The following ADAMTS12 variants were observed in gnomAD, a reference collection of about 807,000 sequenced individuals.
ADAMTS12 encodes A disintegrin and metalloproteinase with thrombospondin motifs 12.
ADAMTS12 carries 118 observed loss-of-function variants against 167.8 expected under a neutral mutation model. The ratio of observed to expected loss-of-function variants is 0.70; its 90% CI spans 0.61 to 0.82. The LOEUF (loss-of-function observed/expected upper bound fraction) is 0.82. Ranked by LOEUF, ADAMTS12 falls within the 40% of genes least tolerant of loss-of-function variation. ADAMTS12 has a pLI of 0.00. For missense variants in ADAMTS12, 1,916 were observed against 1,998.8 expected (o/e 0.96, Z 0.79); for synonymous variants, 704 against 716.9 (o/e 0.98, Z 0.29).
intron 2 of ADAMTS12, among the ~76,000 whole-genome samples, chr5:33,815,584 T>C (rs1381108897): frequency 6.6e-6 from 1 of 152,140 alleles, no homozygotes; most frequent in African/African-American, 2.4e-5. Flanking sequence ...TGTTCTATTA[T>C]AGAAGCCTCA....
chr5:33,670,981 A>G (rs1362596009), intron 5 of ADAMTS12, among the ~76,000 whole-genome samples: 2 of 152,154 alleles, frequency 1.3e-5, no homozygotes, highest in Non-Finnish European at 2.9e-5. Context: ...ACTCAGCAAA[A>G]AGGGGAAAAA....
intron 19 of ADAMTS12, among the ~76,000 whole-genome samples, chr5:33,574,127 G>A (rs1191660055): frequency 8.6e-5 from 13 of 151,250 alleles, no homozygotes; most frequent in South Asian, 4.2e-4. Flanking sequence ...GGAGAAATAG[G>A]AACACTTTTA....
At chr5:33,710,878 T>C (rs1444394726) in intron 3 of ADAMTS12, among the ~76,000 whole-genome samples, 3 of 152,104 alleles carry the variant, frequency 2.0e-5, no homozygotes, top group Non-Finnish European at 4.4e-5. Flanking sequence ...AAAATCTTAA[T>C]GAGTACTAAA....
intron 2 of ADAMTS12, among the ~76,000 whole-genome samples, chr5:33,838,668 C>T (rs1900178): frequency 0.058 from 8,840 of 151,648 alleles, 600 homozygotes; most frequent in East Asian, 0.2. Flanking sequence ...GGTGACAAAG[C>T]GAGACTCTGT....
At chr5:33,558,214 A>T (rs1362507817) in intron 20 of ADAMTS12, among the ~76,000 whole-genome samples, 1 of 152,166 alleles carries the variant, frequency 6.6e-6, no homozygotes, top group Non-Finnish European at 1.5e-5. Context: ...AGTGACAAAA[A>T]GGTTAGGGAC....
Position 33,649,602 on chromosome 5 carries a change from G to A in ADAMTS12, c.1286C>T (p.Pro429Leu), listed in dbSNP as rs1740801040. 5.6e-6 allele frequency: 9 copies of A among 1,613,942 alleles called. No homozygotes were observed. Among genetic ancestry groups the A allele is most frequent in the African/African-American group, 1.3e-5 (1 of 74,942 alleles). Residue 429 changes from proline (P) to leucine (L), a missense_variant, in exon 8 of 24, where the codon CCG becomes CTG. By Grantham distance (98) the Pro-to-Leu change is moderately conservative (BLOSUM62 -3). Transcript: ENST00000504830. ...CTCGCTGCACTTGGACCATGTCAGC[G>A]GAGTGGGATCGTACTGGAGCTGGCG... is the stretch of plus-strand genomic sequence containing the variant. ...MSRQLQYDPT[P>L]LTWSKCSEEY...
At chr5:33,558,543 GC>G (rs1267566280) in intron 20 of ADAMTS12, among the ~76,000 whole-genome samples, 1 of 152,118 alleles carries the variant, frequency 6.6e-6, no homozygotes, top group African/African-American at 2.4e-5. Flanking sequence ...GACCCTATAG[GC>G]CAGGCAAGGA....
rs1741280999 is a variant in ADAMTS12, at chr5:33,662,098, T to C, written c.916-58A>G. 1.6e-5 allele frequency: 25 copies of C among 1,585,852 alleles called. 2 individuals are homozygous for C. In the South Asian group the frequency reaches 2.5e-4, roughly 16 times the overall value. On this transcript the variant is annotated intron_variant, in intron 5 of 23. Coordinates refer to ENST00000504830, the MANE Select transcript of ADAMTS12 (RefSeq NM_030955.4). ...AGAGCTCACTGTGGTCAGGGACCATTGCATTAGGCATTCATCTCCAGAGGT... is the reference window on the plus strand; with the variant it reads ...AGAGCTCACTGTGGTCAGGGACCATCGCATTAGGCATTCATCTCCAGAGGT...
chr5:33,601,938 A>T (rs1289298376), intron 16 of ADAMTS12, among the ~76,000 whole-genome samples: 1 of 152,198 alleles, frequency 6.6e-6, no homozygotes, highest in Non-Finnish European at 1.5e-5. Flanking sequence ...TATGAAGGAG[A>T]TATTTTCAAA....
chr5:33,765,202 C>T (rs1745489316), intron 2 of ADAMTS12, among the ~76,000 whole-genome samples: 1 of 152,164 alleles, frequency 6.6e-6, no homozygotes, highest in African/African-American at 2.4e-5. Context: ...TATATATGCT[C>T]AACCATTTGA....
intron 16 of ADAMTS12, among the ~76,000 whole-genome samples, chr5:33,604,471 A>G (rs1373495933): frequency 6.6e-6 from 1 of 151,538 alleles, no homozygotes; most frequent in Admixed American, 6.6e-5. Flanking sequence ...ACTGCACTCT[A>G]GCTTGGGCAA....
At chr5:33,747,642 G>A (rs1029899198) in intron 3 of ADAMTS12, among the ~76,000 whole-genome samples, 15 of 152,106 alleles carry the variant, frequency 9.9e-5, no homozygotes, top group African/African-American at 3.6e-4. Flanking sequence ...CCTGAAAGCA[G>A]TTCAGATCTA....
At chr5:33,733,276 G>GT (rs1744257009) in intron 3 of ADAMTS12, among the ~76,000 whole-genome samples, 1 of 152,106 alleles carries the variant, frequency 6.6e-6, no homozygotes, top group Non-Finnish European at 1.5e-5. Context: ...GATTAAAACT[G>GT]TTAAATGAAA....
intron 2 of ADAMTS12, among the ~76,000 whole-genome samples, chr5:33,774,809 T>C (rs2112431243): frequency 6.6e-6 from 1 of 152,328 alleles, no homozygotes; most frequent in Non-Finnish European, 1.5e-5. Context: ...TTTGCCCAGC[T>C]TTATTCTCCC....
intron 5 of ADAMTS12, among the ~76,000 whole-genome samples, chr5:33,678,441 T>G (rs906109721): frequency 3.3e-5 from 5 of 152,222 alleles, no homozygotes; most frequent in Non-Finnish European, 7.3e-5. Context: ...AGATTACAAC[T>G]GTGAAACATG....
At chr5:33,552,440 T>C (rs569143198) in intron 20 of ADAMTS12, among the ~76,000 whole-genome samples, 1 of 152,362 alleles carries the variant, frequency 6.6e-6, no homozygotes, top group Non-Finnish European at 1.5e-5. Context: ...TAGAGTGTCA[T>C]AAATGTATGA....
At chr5:33,614,150 A>C in intron 16 of ADAMTS12, 88 bp downstream of exon 16, 1 of 1,507,672 alleles carries the variant, frequency 6.6e-7, no homozygotes, top group South Asian at 1.3e-5. Flanking sequence ...CCATGGGCAG[A>C]GAGCACAAAG....
intron 2 of ADAMTS12, among the ~76,000 whole-genome samples, chr5:33,857,604 A>C (rs1266052871): frequency 1.3e-5 from 2 of 152,164 alleles, no homozygotes; most frequent in Non-Finnish European, 2.9e-5. Flanking sequence ...AAAAAAACTG[A>C]AGCTCCAAAG....
At chr5:33,567,071 G>A (rs1435492320) in intron 19 of ADAMTS12, among the ~76,000 whole-genome samples, 5 of 152,174 alleles carry the variant, frequency 3.3e-5, no homozygotes, top group Admixed American at 3.3e-4. Flanking sequence ...CTTCTGGTGA[G>A]ACATTACTTG....
Sources: allele counts gnomAD v4.1 joint callset (sites outside exome capture counted in the v4.1 genomes callset), GRCh38; gene constraint gnomAD v4.1.1; transcripts MANE v1.5; gene names NCBI Gene and HGNC (gene_info 2026-07-23, HGNC 2026-07-21).